Variants in CNTNAP5 observed in about 807,000 individuals in gnomAD.
CNTNAP5 encodes contactin-associated protein-like 5.
CNTNAP5 carries 72 observed loss-of-function variants against 150.2 expected under a neutral mutation model. The ratio of observed to expected loss-of-function variants is 0.48; its 90% CI spans 0.40 to 0.58. The LOEUF is 0.58. Ranked by LOEUF, CNTNAP5 falls within the 20% of genes least tolerant of loss-of-function variation. The pLI, the probability that CNTNAP5 is intolerant of heterozygous loss-of-function variation, is 0.00. For missense variants in CNTNAP5, 1,636 were observed against 1,626.2 expected (o/e 1.01, Z -0.10); for synonymous variants, 672 against 619.8 (o/e 1.08, Z -1.25).
intron 7 of CNTNAP5, among the ~76,000 whole-genome samples, chr2:124,480,972 A>T (rs1693751194): frequency 6.6e-6 from 1 of 152,224 alleles, no homozygotes. Flanking sequence ...AAAAACTAAC[A>T]GTGTAATGGT....
At chr2:124,198,997 T>C (rs575208679) in intron 1 of CNTNAP5, among the ~76,000 whole-genome samples, 32 of 152,306 alleles carry the variant, frequency 2.1e-4, no homozygotes, top group African/African-American at 7.7e-4. Context: ...TTTTGTTTTA[T>C]AGTGGTAATA....
At chr2:124,560,553 G>A (rs1263309710) in intron 10 of CNTNAP5, among the ~76,000 whole-genome samples, 7 of 150,194 alleles carry the variant, frequency 4.7e-5, no homozygotes, top group South Asian at 2.1e-4. Flanking sequence ...TGCAGAAAAC[G>A]TTTCTTTTTC....
intron 11 of CNTNAP5, among the ~76,000 whole-genome samples, chr2:124,601,059 T>C (rs1696975358): frequency 6.6e-6 from 1 of 152,138 alleles, no homozygotes; most frequent in Non-Finnish European, 1.5e-5. Flanking sequence ...ATCAATCCTC[T>C]TTCCAGTTGT....
In CNTNAP5 at chr2:124,798,254, C is replaced by A. The variant is rs1681889815; in HGVS notation, c.3151C>A (p.Pro1051Thr). 6.2e-7 allele frequency: 1 copy of A among 1,613,920 alleles called. No homozygotes were observed. Residue 1051 changes from proline to threonine, a missense_variant, in exon 19 of 24, where the codon CCC becomes ACC. By Grantham distance (38) the Pro-to-Thr change is conservative. Coordinates refer to ENST00000682447, the MANE Select transcript of CNTNAP5 (RefSeq NM_001367498.1). ...IALSFVTTQAPSLLLFINSSS... is the reference protein window; with the variant it reads ...IALSFVTTQATSLLLFINSSS... ...ACTTAGCTTTGTGACAACCCAGGCA[C>A]CCAGTCTTTTGCTCTTTATCAATTC...
intron 6 of CNTNAP5, among the ~76,000 whole-genome samples, chr2:124,468,033 G>A (rs983294607): frequency 3.3e-5 from 5 of 152,058 alleles, no homozygotes; most frequent in Admixed American, 2.0e-4. Context: ...ATCGTGCTGC[G>A]TCAAGGGAGT....
At chr2:124,468,729 A>C (rs1361854857) in intron 6 of CNTNAP5, among the ~76,000 whole-genome samples, 1 of 152,080 alleles carries the variant, frequency 6.6e-6, no homozygotes, top group Non-Finnish European at 1.5e-5. Context: ...CAGACCTCCA[A>C]ATCCAGCTAC....
chr2:124,150,982 C>T (rs1296601130), intron 1 of CNTNAP5, among the ~76,000 whole-genome samples: 1 of 152,156 alleles, frequency 6.6e-6, no homozygotes, highest in Non-Finnish European at 1.5e-5. Flanking sequence ...TACTACATAT[C>T]TATGGGTCAA....
intron 3 of CNTNAP5, among the ~76,000 whole-genome samples, chr2:124,301,342 G>A (rs775863664): frequency 6.6e-6 from 1 of 152,152 alleles, no homozygotes; most frequent in Non-Finnish European, 1.5e-5. Context: ...TGCACTATTC[G>A]TTTTGCTCTT....
chr2:124,900,016 T>C (rs1050110359), intron 21 of CNTNAP5, among the ~76,000 whole-genome samples: 1 of 151,228 alleles, frequency 6.6e-6, no homozygotes, highest in Non-Finnish European at 1.5e-5. Flanking sequence ...ATTGCTTAAA[T>C]ACAGTTTGGC....
At chr2:124,125,677 A>G (rs879231250) in intron 1 of CNTNAP5, among the ~76,000 whole-genome samples, 1 of 152,220 alleles carries the variant, frequency 6.6e-6, no homozygotes, top group African/African-American at 2.4e-5. Context: ...AGCACTCCTC[A>G]GTAAATGTAA....
At chr2:124,055,640 C>CA (rs1681825801) in intron 1 of CNTNAP5, among the ~76,000 whole-genome samples, 2 of 2,866 alleles carry the variant, frequency 7.0e-4, no homozygotes, top group South Asian at 7.7e-3. Context: ...AATCCCAAGT[C>CA]TTTGTCCCCA....
At position 124,025,730 on chromosome 2, in the gene CNTNAP5, A is replaced by T. The variant is rs117021222; in HGVS notation, c.80A>T (p.Asn27Ile). 2 of 1,611,698 alleles carry T rather than the reference A, an allele frequency of 1.2e-6. No individual in the cohort carries two copies. The highest frequency in any genetic ancestry group is 1.7e-6 in the Non-Finnish European group (2 of 1,178,056). Residue 27 changes from asparagine to isoleucine, a missense_variant and splice_region_variant, in exon 1 of 24, where the codon AAC becomes ATC. Transcript: ENST00000682447. ...TGGCATTTAGGATTAACAGCGACAAACTGTGAGTACGAGGAGCTGGGGGCG... is the reference window on the plus strand; with the variant it reads ...TGGCATTTAGGATTAACAGCGACAATCTGTGAGTACGAGGAGCTGGGGGCG... ...GLWHLGLTAT[N>I]YNCDDPLASL...
At chr2:124,474,072 C>T (rs1693582514) in intron 6 of CNTNAP5, among the ~76,000 whole-genome samples, 1 of 152,018 alleles carries the variant, frequency 6.6e-6, no homozygotes, top group Non-Finnish European at 1.5e-5. Flanking sequence ...TTATGCTCAA[C>T]TTCTTATTGT....
rs746143355 is a variant in CNTNAP5, at chr2:124,764,044, G to A, written c.2430G>A (p.Ala810=). ...ACCTCCACTTTCCTACCTTCCATGC[G>A]GAATTCAGTGCCGATATTTCCTTCT... ...ASYLHFPTFH[A]EFSADISFFF... The change falls in exon 16 of 24, where the codon GCG becomes GCA. Residue 810 remains alanine, a synonymous_variant. Transcript: ENST00000682447. 23 of 1,613,032 alleles carry A rather than the reference G, an allele frequency of 1.4e-5. No individual in the cohort carries two copies. Among genetic ancestry groups the A allele is most frequent in the African/African-American group, 4.0e-5 (3 of 74,818 alleles).
chr2:124,116,106 TG>T (rs1425131234), intron 1 of CNTNAP5, among the ~76,000 whole-genome samples: 1 of 152,224 alleles, frequency 6.6e-6, no homozygotes, highest in Non-Finnish European at 1.5e-5. Context: ...GGCCAGTTTT[TG>T]TTTTCTTTTG....
intron 1 of CNTNAP5, among the ~76,000 whole-genome samples, chr2:124,161,912 A>G (rs1182723044): frequency 1.3e-5 from 2 of 152,212 alleles, no homozygotes; most frequent in African/African-American, 4.8e-5. Flanking sequence ...TATAGGTTCA[A>G]TGATATTTGA....
In CNTNAP5 at chr2:124,638,471, C is replaced by T. The variant is rs1678019176; in HGVS notation, c.1877-9287C>T. Among the ~76,000 whole-genome samples, 2 of 151,926 alleles carry T rather than the reference C, an allele frequency of 1.3e-5. 1 individual carries two copies. The highest frequency in any genetic ancestry group is 4.2e-4 in the South Asian group (2 of 4,812). ...GAAAGTTGCTTAAATTAACTTTTTT[C>T]TTTTTTATAGTTATTTTATCAATTT... On this transcript the variant is annotated intron_variant, in intron 12 of 23. Coordinates refer to ENST00000682447, the MANE Select transcript of CNTNAP5 (RefSeq NM_001367498.1).
chr2:124,742,577 T>C (rs1237843098), intron 13 of CNTNAP5, among the ~76,000 whole-genome samples: 1 of 151,872 alleles, frequency 6.6e-6, no homozygotes, highest in Non-Finnish European at 1.5e-5. Flanking sequence ...AATACTTTCT[T>C]AGGAGGATTT....
At chr2:124,790,808 T>C (rs1681710669) in intron 18 of CNTNAP5, among the ~76,000 whole-genome samples, 1 of 152,156 alleles carries the variant, frequency 6.6e-6, no homozygotes, top group African/African-American at 2.4e-5. Flanking sequence ...GATATACACC[T>C]TGGACAAGGA....
Sources: allele counts gnomAD v4.1 joint callset (sites outside exome capture counted in the v4.1 genomes callset), GRCh38; gene constraint gnomAD v4.1.1; transcripts MANE v1.5; gene names NCBI Gene and HGNC (gene_info 2026-07-23, HGNC 2026-07-21).